TBC1D19: variants seen among roughly 807,000 people sequenced by gnomAD.
TBC1D19 encodes TBC1 domain family member 19, also known as TBC1 domain family, member 19.
Under a neutral mutation model 89.0 loss-of-function variants are expected in TBC1D19, and 60 were observed. The ratio of observed to expected loss-of-function variants is 0.67; its 90% CI spans 0.55 to 0.84. The LOEUF is 0.84. TBC1D19 is among the 40% of genes least tolerant of loss of function. TBC1D19 has a pLI of 0.00. For missense variants in TBC1D19, 500 were observed against 610.8 expected, an observed-to-expected ratio of 0.82 and a Z score of 1.91; for synonymous variants, 189 against 199.7, an observed-to-expected ratio of 0.95 and a Z score of 0.45.
chr4:26,582,337 C>T (rs921673451), upstream of TBC1D19, among the ~76,000 whole-genome samples: 1 of 151,888 alleles, frequency 6.6e-6, no homozygotes, highest in African/African-American at 2.4e-5. Flanking sequence ...CATGCAATTC[C>T]CAGGGTACAT....
the TBC1D19 span, among the ~76,000 whole-genome samples, chr4:26,850,233 T>G: frequency 1.6e-4 from 24 of 152,010 alleles, no homozygotes; most frequent in African/African-American, 5.3e-4. Context: ...TCAGTATGGC[T>G]AGTGTCCTTA....
At chr4:26,820,470 T>G in the TBC1D19 span, among the ~76,000 whole-genome samples, 1 of 152,216 alleles carries the variant, frequency 6.6e-6, no homozygotes, top group African/African-American at 2.4e-5. Flanking sequence ...CCTGACTTAT[T>G]TCGACCAAGC....
chr4:26,742,633 T>TA (rs776466759), intron 18 of TBC1D19, 34 bp downstream of exon 18: 1 of 1,569,018 alleles, frequency 6.4e-7, no homozygotes, highest in Non-Finnish European at 8.7e-7. Flanking sequence ...GAAGAATAGA[T>TA]AGTTTCACAG....
chr4:26,665,821 T>C (rs1315456323), intron 8 of TBC1D19, among the ~76,000 whole-genome samples: 1 of 152,044 alleles, frequency 6.6e-6, no homozygotes, highest in Non-Finnish European at 1.5e-5. Context: ...AGTTTTTTAC[T>C]GAAAGGATAA....
At chr4:26,761,866 C>G in the TBC1D19 span, among the ~76,000 whole-genome samples, 1 of 152,084 alleles carries the variant, frequency 6.6e-6, no homozygotes, top group African/African-American at 2.4e-5. Flanking sequence ...GTGGCTCACG[C>G]CTGTAATCTC....
intron 7 of TBC1D19, among the ~76,000 whole-genome samples, chr4:26,652,698 G>A (rs1302972886): frequency 1.3e-5 from 2 of 152,152 alleles, no homozygotes; most frequent in Non-Finnish European, 2.9e-5. Context: ...GTATTTCTGT[G>A]GGATCAGTGG....
chr4:26,607,225 A>C (rs946983477), intron 1 of TBC1D19, among the ~76,000 whole-genome samples: 1 of 152,176 alleles, frequency 6.6e-6, no homozygotes. Flanking sequence ...AAAGTGAGTG[A>C]GAGGCATTTT....
chr4:26,690,236 G>C (rs183904041), intron 13 of TBC1D19, among the ~76,000 whole-genome samples: 48 of 152,306 alleles, frequency 3.2e-4, no homozygotes, highest in Middle Eastern at 3.4e-3. Context: ...TTGAAAGCTA[G>C]CAAAGGTTGG....
At chr4:26,659,812 C>A in intron 8 of TBC1D19, 105 bp downstream of exon 8, 1 of 592,522 alleles carries the variant, frequency 1.7e-6, no homozygotes, top group Non-Finnish European at 2.7e-6. Context: ...ACTCATTAAA[C>A]AAATTAATAA....
intron 13 of TBC1D19, among the ~76,000 whole-genome samples, chr4:26,706,698 T>G (rs781453314): frequency 6.6e-6 from 1 of 152,160 alleles, no homozygotes; most frequent in Non-Finnish European, 1.5e-5. Flanking sequence ...AACATCACTC[T>G]CACTGAATCC....
chr4:26,744,483 G>A (rs1718537325), intron 18 of TBC1D19, among the ~76,000 whole-genome samples: 1 of 150,726 alleles, frequency 6.6e-6, no homozygotes, highest in South Asian at 2.1e-4. Flanking sequence ...CATTGATTTG[G>A]GACTTTCTTT....
chr4:26,829,149 G>A, the TBC1D19 span, among the ~76,000 whole-genome samples: 1 of 152,162 alleles, frequency 6.6e-6, no homozygotes, highest in African/African-American at 2.4e-5. Context: ...CTTTCAAATG[G>A]AGCTTTAAAT....
the TBC1D19 span, among the ~76,000 whole-genome samples, chr4:26,825,594 C>G: frequency 6.6e-6 from 1 of 152,156 alleles, no homozygotes. Flanking sequence ...CCAATTTTCT[C>G]TATCAGTGAC....
chr4:26,623,101 C>A (rs371768219), intron 4 of TBC1D19, among the ~76,000 whole-genome samples: 40 of 152,266 alleles, frequency 2.6e-4, no homozygotes, highest in African/African-American at 9.6e-4. Flanking sequence ...ATTCTCTCTT[C>A]TTTCCATGAA....
chr4:26,840,519 T>C, the TBC1D19 span, among the ~76,000 whole-genome samples: 5 of 152,254 alleles, frequency 3.3e-5, no homozygotes, highest in Admixed American at 1.3e-4. Context: ...TCTTTATAGG[T>C]TCTGCCTATT....
chr4:26,638,791 A>G lies in TBC1D19; in HGVS notation c.390A>G (p.Lys130=). 6.2e-7 allele frequency: 1 copy of G among 1,611,620 alleles called. No homozygotes were observed. The highest frequency in any genetic ancestry group is 8.5e-7 in the Non-Finnish European group (1 of 1,179,380). ...LARKRPVGEQ[K]ELLNKWNEMG... ...TCCAGAGGCCAGTTGGAGAACAGAA[A>G]GAACTTCTTAATAAATGGAATGAAA... is the stretch of plus-strand genomic sequence containing the variant. The change falls in exon 6 of 21, where the codon AAA becomes AAG. Residue 130 remains lysine (K), a synonymous_variant. Transcript: ENST00000264866.
the TBC1D19 span, among the ~76,000 whole-genome samples, chr4:26,774,069 C>G: frequency 6.6e-6 from 1 of 152,192 alleles, no homozygotes; most frequent in Admixed American, 6.5e-5. Context: ...CCCTTCCCTT[C>G]TCTCACCTCC....
upstream of TBC1D19, among the ~76,000 whole-genome samples, chr4:26,579,592 A>G (rs1739031052): frequency 6.6e-6 from 1 of 151,346 alleles, no homozygotes; most frequent in South Asian, 2.1e-4. Flanking sequence ...TGCTGCACCT[A>G]TCAATCCATC....
At chr4:26,675,673 T>C (rs1712742965) in intron 11 of TBC1D19, among the ~76,000 whole-genome samples, 1 of 152,168 alleles carries the variant, frequency 6.6e-6, no homozygotes, top group Admixed American at 6.5e-5. Context: ...CTACTTCTTA[T>C]TAGGAATACC....
Sources: allele counts gnomAD v4.1 joint callset (sites outside exome capture counted in the v4.1 genomes callset), GRCh38; gene constraint gnomAD v4.1.1; transcripts MANE v1.5; gene names NCBI Gene and HGNC (gene_info 2026-07-23, HGNC 2026-07-21).